OR56A3: variants seen among roughly 807,000 people sequenced by gnomAD.
The protein encoded by OR56A3 is olfactory receptor 56A3.
Under a neutral mutation model 17.5 loss-of-function variants are expected in OR56A3, and 23 were observed. The ratio of observed to expected loss-of-function variants is 1.32; its 90% CI spans 0.95 to 1.87. The LOEUF (loss-of-function observed/expected upper bound fraction) is 1.87. OR56A3 is among the 40% of genes most tolerant of loss of function. OR56A3 has a pLI of 0.00. For missense variants in OR56A3, 366 were observed against 380.1 expected (o/e 0.96, Z 0.31); for synonymous variants, 175 against 150.6 (o/e 1.16, Z -1.19).
Position 5,951,263 on chromosome 11 carries a change from G to A in OR56A3, c.*2969G>A, listed in dbSNP as rs1261605440. On this transcript the variant is annotated 3_prime_UTR_variant, in exon 3 of 3. Coordinates refer to ENST00000641160, the MANE Select transcript of OR56A3 (RefSeq NM_001003443.3). ...AAGGAATATTAGCATTAGAGTAATC[G>A]ACAGACATTAATACGTTAAAGGTTT... 6.6e-6 allele frequency: 1 copy of A among 152,024 alleles called. No individual in the cohort carries two copies. Among genetic ancestry groups the A allele is most frequent in the South Asian group, 2.1e-4 (1 of 4,818 alleles). The allele number at this position is 152,024 out of a possible 1,614,324, so 9.4% of individuals were successfully genotyped here.
At chr11:5,954,259 G>T (rs1217630244), downstream of OR56A3, among the ~76,000 whole-genome samples, 1 of 152,128 alleles carries the variant, frequency 6.6e-6, no homozygotes, top group Admixed American at 6.5e-5. Context: ...CCCAAATCTT[G>T]TAAGACTGTG....
chr11:5,969,546 C>T, the OR56A3 span, among the ~76,000 whole-genome samples: 2 of 152,202 alleles, frequency 1.3e-5, no homozygotes, highest in Admixed American at 6.5e-5. Context: ...TGATTCCATT[C>T]ACCTTGACCT....
chr11:6,002,413 C>T, the OR56A3 span: 1 of 1,614,224 alleles, frequency 6.2e-7, no homozygotes, highest in Non-Finnish European at 8.5e-7. Context: ...AAAGTGATGT[C>T]ATCACAAGAG....
chr11:6,002,402 G>A, the OR56A3 span: 1 of 1,614,252 alleles, frequency 6.2e-7, no homozygotes, highest in East Asian at 2.2e-5. Flanking sequence ...AGAGCTGATT[G>A]AAAGTGATGT....
the OR56A3 span, among the ~76,000 whole-genome samples, chr11:6,009,318 T>C: frequency 5.3e-5 from 8 of 152,188 alleles, no homozygotes; most frequent in South Asian, 1.7e-3. Context: ...AAGCTGTAAA[T>C]CCAGGGTTTC....
chr11:5,989,902 T>C, the OR56A3 span, among the ~76,000 whole-genome samples: 1 of 152,340 alleles, frequency 6.6e-6, no homozygotes, highest in African/African-American at 2.4e-5. Context: ...ATTTAGTTAT[T>C]CAACTACAAA....
the OR56A3 span, chr11:5,993,795 C>G: frequency 7.3e-6 from 2 of 272,110 alleles, no homozygotes; most frequent in Admixed American, 4.4e-5. Flanking sequence ...ATCACTTTAA[C>G]ATGTAACCAA....
At chr11:5,997,418 C>T in the OR56A3 span, among the ~76,000 whole-genome samples, 1 of 152,148 alleles carries the variant, frequency 6.6e-6, no homozygotes, top group African/African-American at 2.4e-5. Flanking sequence ...GTTTAATGCA[C>T]CATCAGACCT....
the OR56A3 span, among the ~76,000 whole-genome samples, chr11:6,016,626 C>G: frequency 1.3e-5 from 2 of 151,812 alleles, no homozygotes; most frequent in Non-Finnish European, 2.9e-5. Context: ...CATGACATCT[C>G]CAAAGTAACA....
downstream of OR56A3, among the ~76,000 whole-genome samples, chr11:5,951,955 G>C (rs9284148): frequency 0.23 from 35,662 of 152,096 alleles, 4,361 homozygotes; most frequent in East Asian, 0.28. Context: ...AGGACGGAAA[G>C]TAATTTAGAT....
At chr11:6,012,482 G>T in the OR56A3 span, among the ~76,000 whole-genome samples, 1 of 152,048 alleles carries the variant, frequency 6.6e-6, no homozygotes, top group African/African-American at 2.4e-5. Context: ...TCAGCAGAGA[G>T]GAGGCATAGA....
In OR56A3 at chr11:5,949,154, A is replaced by T. The variant is rs1252912575; in HGVS notation, c.*860A>T. 1 of 152,246 alleles carries T rather than the reference A, an allele frequency of 6.6e-6. No individual in the cohort carries two copies. Among genetic ancestry groups the T allele is most frequent in the African/African-American group, 2.4e-5 (1 of 41,464 alleles). The allele number at this position is 152,246 out of a possible 1,614,324, so 9.4% of individuals were successfully genotyped here. A position where few individuals can be genotyped will look rare whatever the true frequency, so the allele number is the denominator to read the frequency against. ...TTTCCTGAACATTATTTTCTCATTA[A>T]TTGGACAGCTTCTAAGCACACATGG... On this transcript the variant is annotated 3_prime_UTR_variant, in exon 3 of 3. Coordinates refer to ENST00000641160, the MANE Select transcript of OR56A3 (RefSeq NM_001003443.3).
downstream of OR56A3, among the ~76,000 whole-genome samples, chr11:5,955,715 G>A (rs139830130): frequency 5.9e-4 from 90 of 152,206 alleles, no homozygotes; most frequent in African/African-American, 2.1e-3. Flanking sequence ...ACTAACAGAT[G>A]TACCGTAGTT....
chr11:6,006,579 C>T, the OR56A3 span, among the ~76,000 whole-genome samples: 1 of 152,130 alleles, frequency 6.6e-6, no homozygotes, highest in Admixed American at 6.5e-5. Flanking sequence ...AAGCAGTCAC[C>T]TAGGTTCATA....
At chr11:6,012,670 C>T in the OR56A3 span, among the ~76,000 whole-genome samples, 1 of 152,162 alleles carries the variant, frequency 6.6e-6, no homozygotes, top group Non-Finnish European at 1.5e-5. Flanking sequence ...GGTCCATGGG[C>T]AGCCGGGGGC....
the OR56A3 span, among the ~76,000 whole-genome samples, chr11:5,971,143 C>T: frequency 1.1e-4 from 16 of 152,052 alleles, no homozygotes. Flanking sequence ...GCCCTCTGGC[C>T]CCAAAGCCTG....
chr11:5,990,000 G>C, the OR56A3 span, among the ~76,000 whole-genome samples: 1 of 152,168 alleles, frequency 6.6e-6, no homozygotes, highest in Admixed American at 6.6e-5. Context: ...TTGTGAAGTT[G>C]TGCTCAAATT....
chr11:5,997,983 T>C, the OR56A3 span, among the ~76,000 whole-genome samples: 2 of 152,148 alleles, frequency 1.3e-5, no homozygotes, highest in African/African-American at 2.4e-5. Context: ...TCCAAATGTG[T>C]GTGACAGTGA....
chr11:5,995,089 T>C, the OR56A3 span: 4,867 of 591,458 alleles, frequency 8.2e-3, 50 homozygotes, highest in Middle Eastern at 0.019. Flanking sequence ...CCGGGTGCCA[T>C]AGCTGGGCGG....
Sources: gnomAD v4.1 joint callset for allele counts (sites outside exome capture counted in the v4.1 genomes callset) on GRCh38, gnomAD v4.1.1 for gene constraint, MANE v1.5 for transcripts, NCBI Gene and HGNC (gene_info 2026-07-23, HGNC 2026-07-21) for gene names.